Variants in IDE observed in about 807,000 individuals in gnomAD.
IDE encodes insulin-degrading enzyme.
Under a neutral mutation model 133.2 loss-of-function variants are expected in IDE, and 58 were observed. That is an observed-to-expected ratio of 0.44 (90% CI 0.35 to 0.54). The LOEUF (loss-of-function observed/expected upper bound fraction) is 0.54, where lower values mean the gene tolerates loss of function less well. IDE is among the 20% of genes least tolerant of loss of function. IDE has a pLI of 0.00. For synonymous variants in IDE, 396 were observed against 421.3 expected (o/e 0.94, Z 0.73); for missense variants, 981 against 1,234.0 (o/e 0.79, Z 3.07).
intron 11 of IDE, among the ~76,000 whole-genome samples, chr10:92,491,486 A>C (rs1445604001): frequency 6.6e-6 from 1 of 152,164 alleles, no homozygotes; most frequent in African/African-American, 2.4e-5. Context: ...TAGGGGAGAA[A>C]GGGACAAGAC....
At chr10:92,520,009 G>A (rs1241317290) in intron 4 of IDE, among the ~76,000 whole-genome samples, 1 of 152,174 alleles carries the variant, frequency 6.6e-6, no homozygotes, top group Admixed American at 6.6e-5. Flanking sequence ...GGAGGCCGAG[G>A]CAGGAGAATC....
At chr10:92,525,161 G>A (rs56289118) in intron 4 of IDE, among the ~76,000 whole-genome samples, 25,136 of 152,052 alleles carry the variant, frequency 0.17, 2,448 homozygotes, top group Middle Eastern at 0.21. Context: ...GCTGAGGCAA[G>A]AGAATCACTT....
intron 4 of IDE, among the ~76,000 whole-genome samples, chr10:92,521,994 CAGGGTGATGCACACAT>C (rs1275761404): frequency 6.6e-6 from 1 of 151,300 alleles, no homozygotes; most frequent in Non-Finnish European, 1.5e-5. Flanking sequence ...TGGCCAGGGG[CAGGGTGATGCACACAT>C]AGGGTCATTA....
At chr10:92,471,789 C>T (rs1016121099) in intron 17 of IDE, among the ~76,000 whole-genome samples, 1 of 152,172 alleles carries the variant, frequency 6.6e-6, no homozygotes, top group Non-Finnish European at 1.5e-5. Context: ...ACCTCCGCCT[C>T]CTGGGTTCAA....
At chr10:92,479,569 A>G in intron 14 of IDE, 148 bp from the exon 15 acceptor site, 2 of 626,270 alleles carry the variant, frequency 3.2e-6, no homozygotes, top group Non-Finnish European at 5.5e-6. Context: ...TTATGAGGAA[A>G]AAAAAGAAGA....
chr10:92,568,815 CA>C (rs202095680), intron 1 of IDE, among the ~76,000 whole-genome samples: 40 of 143,968 alleles, frequency 2.8e-4, no homozygotes, highest in East Asian at 4.0e-4. Flanking sequence ...GACTCTTTCT[CA>C]AAAAAAAAAA....
intron 1 of IDE, among the ~76,000 whole-genome samples, chr10:92,564,893 A>T (rs775803677): frequency 4.6e-5 from 7 of 151,712 alleles, no homozygotes; most frequent in Non-Finnish European, 1.0e-4. Context: ...CCCATCTCTA[A>T]AAAAATAAAA....
At chr10:92,565,739 C>G (rs1843507586) in intron 1 of IDE, among the ~76,000 whole-genome samples, 1 of 152,170 alleles carries the variant, frequency 6.6e-6, no homozygotes, top group Admixed American at 6.6e-5. Flanking sequence ...ATGCTTCCTG[C>G]AGATCTCCCC....
intron 7 of IDE, among the ~76,000 whole-genome samples, 172 bp from the exon 8 acceptor site, chr10:92,508,377 G>A (rs1194375705): frequency 6.6e-6 from 1 of 152,114 alleles, no homozygotes; most frequent in African/African-American, 2.4e-5. Flanking sequence ...TGGTGCAGAA[G>A]TGGGGGCTTT....
At chr10:92,507,499 A>G (rs1218593238) in intron 9 of IDE, 76 bp downstream of exon 9, 1 of 815,060 alleles carries the variant, frequency 1.2e-6, no homozygotes, top group Non-Finnish European at 2.1e-6. Flanking sequence ...ACTGGGCCTT[A>G]AATTTAAATT....
At chr10:92,488,110 T>A (rs1284950582) in intron 12 of IDE, among the ~76,000 whole-genome samples, 9 of 150,698 alleles carry the variant, frequency 6.0e-5, no homozygotes, top group Admixed American at 6.0e-4. Flanking sequence ...TCAGTACTTC[T>A]TTTTTTCTTT....
chr10:92,479,212 A>G (rs1406298884), intron 15 of IDE, 65 bp downstream of exon 15: 14 of 1,192,308 alleles, frequency 1.2e-5, no homozygotes, highest in East Asian at 2.4e-5. Context: ...CAATCAAAAA[A>G]TGCTTCCATC....
chr10:92,514,407 A>T (rs1408408885), intron 5 of IDE, among the ~76,000 whole-genome samples: 1 of 151,032 alleles, frequency 6.6e-6, no homozygotes, highest in African/African-American at 2.4e-5. Context: ...TTGAATTGTT[A>T]TAAGGTCAAA....
At chr10:92,564,832 C>T (rs770395187) in intron 1 of IDE, among the ~76,000 whole-genome samples, 8 of 150,896 alleles carry the variant, frequency 5.3e-5, no homozygotes, top group African/African-American at 1.2e-4. Flanking sequence ...CTAAGCAGAA[C>T]GATCACTTGA....
rs139516762 is a variant in IDE at position 92,541,283 on chromosome 10, C to T, written c.99-3733G>A. On this transcript the variant is annotated intron_variant, in intron 1 of 24. Coordinates refer to ENST00000265986, the MANE Select transcript of IDE (RefSeq NM_004969.4). ...GCATATCTATAAACACTTCCTACAA[C>T]GATTTGATTCTCACCTTCTGGAGAA... The T allele has an allele frequency of 6.2e-5, 29 of 469,832 alleles. No homozygotes were observed. The East Asian group carries it at 9.1e-4, about 15-fold the overall frequency. The allele number at this position is 469,832 out of a possible 1,614,324, so 29.1% of individuals were successfully genotyped here.
At chr10:92,457,808 T>C (rs544253245) in intron 22 of IDE, among the ~76,000 whole-genome samples, 1 of 152,274 alleles carries the variant, frequency 6.6e-6, no homozygotes, top group African/African-American at 2.4e-5. Flanking sequence ...GCCCTGTTGA[T>C]GTTGCACAGC....
chr10:92,452,698 AG>A lies in IDE; in HGVS notation c.*1745del, dbSNP rs1844806502. ...AATAGCACATAATTTTCCACATAAA[AG>A]GTAGGTGGATTTTTATTTACTAGTA... is the stretch of plus-strand genomic sequence containing the variant. On this transcript the variant is annotated 3_prime_UTR_variant, in exon 25 of 25. Transcript: ENST00000265986. 6.6e-6 allele frequency: 1 copy of A among 152,236 alleles called. No homozygotes were observed. The highest frequency in any genetic ancestry group is 1.5e-5 in the Non-Finnish European group (1 of 68,042). The allele number at this position is 152,236 out of a possible 1,614,324, so 9.4% of individuals were successfully genotyped here. A position where few individuals can be genotyped will look rare whatever the true frequency, so the allele number is the denominator to read the frequency against.
intron 17 of IDE, 162 bp downstream of exon 17, chr10:92,474,679 T>G (rs1846154474): frequency 1.7e-6 from 1 of 584,728 alleles, no homozygotes; most frequent in Admixed American, 3.4e-5. Flanking sequence ...TACTGTTAAC[T>G]ATAGCCATCC....
intron 1 of IDE, among the ~76,000 whole-genome samples, chr10:92,551,078 C>T (rs1842756449): frequency 6.6e-6 from 1 of 152,136 alleles, no homozygotes; most frequent in Admixed American, 6.6e-5. Context: ...GAAATGAAAC[C>T]AAAGACTCAA....
Sources: gnomAD v4.1 joint callset for allele counts (sites outside exome capture counted in the v4.1 genomes callset) on GRCh38, gnomAD v4.1.1 for gene constraint, MANE v1.5 for transcripts, NCBI Gene and HGNC (gene_info 2026-07-23, HGNC 2026-07-21) for gene names.